PPP1R9A: variants seen among roughly 807,000 people sequenced by gnomAD.
PPP1R9A encodes the protein neurabin-1.
A neutral mutation model predicts 141.9 loss-of-function variants in PPP1R9A; 59 were observed. The observed-to-expected ratio is 0.42, with a 90% CI of 0.34 to 0.52. PPP1R9A has a LOEUF of 0.52. Ranked by LOEUF, PPP1R9A falls within the 20% of genes least tolerant of loss-of-function variation. The pLI, the probability that PPP1R9A is intolerant of heterozygous loss-of-function variation, is 0.10. For missense variants in PPP1R9A, 1,444 were observed against 1,611.9 expected, an observed-to-expected ratio of 0.90 and a Z score of 1.78; for synonymous variants, 500 against 569.7, an observed-to-expected ratio of 0.88 and a Z score of 1.74.
chr7:95,180,212 A>T (rs1833532379), intron 5 of PPP1R9A, among the ~76,000 whole-genome samples: 1 of 152,318 alleles, frequency 6.6e-6, no homozygotes, highest in Non-Finnish European at 1.5e-5. Flanking sequence ...GAACCCAGGA[A>T]TAAACCCAAA....
chr7:95,258,418 C>G (rs1799935840), intron 12 of PPP1R9A, among the ~76,000 whole-genome samples: 1 of 151,958 alleles, frequency 6.6e-6, no homozygotes, highest in Non-Finnish European at 1.5e-5. Context: ...TGGATATTAG[C>G]CCTTTGTCAG....
intron 2 of PPP1R9A, among the ~76,000 whole-genome samples, chr7:95,075,374 C>T (rs1394198357): frequency 6.6e-6 from 1 of 151,964 alleles, no homozygotes; most frequent in Non-Finnish European, 1.5e-5. Flanking sequence ...CATCTTCTGC[C>T]CTCTTAAGTT....
At chr7:94,934,764 T>C (rs1352651307) in intron 2 of PPP1R9A, among the ~76,000 whole-genome samples, 2 of 146,952 alleles carry the variant, frequency 1.4e-5, no homozygotes, top group Non-Finnish European at 3.0e-5. Flanking sequence ...TATATATGTG[T>C]ATATATTTGA....
chr7:95,130,894 TTA>T (rs1355941580), intron 4 of PPP1R9A, among the ~76,000 whole-genome samples: 7 of 152,196 alleles, frequency 4.6e-5, no homozygotes, highest in Non-Finnish European at 1.0e-4. Context: ...TGTACCCCCA[TTA>T]TATCAACTAT....
chr7:95,161,600 G>C (rs1830472529), intron 4 of PPP1R9A, among the ~76,000 whole-genome samples: 1 of 152,116 alleles, frequency 6.6e-6, no homozygotes, highest in Non-Finnish European at 1.5e-5. Flanking sequence ...TGCAAATGCT[G>C]TGTAGTTAAG....
At chr7:95,147,338 T>C (rs1827821029) in intron 4 of PPP1R9A, among the ~76,000 whole-genome samples, 1 of 152,214 alleles carries the variant, frequency 6.6e-6, no homozygotes, top group African/African-American at 2.4e-5. Context: ...TTTTTGCACA[T>C]TGATTTTGTA....
chr7:95,041,041 T>C (rs114797915), intron 2 of PPP1R9A, among the ~76,000 whole-genome samples: 165 of 152,260 alleles, frequency 1.1e-3, no homozygotes, highest in African/African-American at 3.9e-3. Context: ...TTGACAGAAA[T>C]ATCCACTTTG....
intron 2 of PPP1R9A, among the ~76,000 whole-genome samples, chr7:94,935,967 TTAAA>T (rs2150892541): frequency 6.6e-6 from 1 of 152,310 alleles, no homozygotes; most frequent in Admixed American, 6.5e-5. Context: ...ATTGTTTTGT[TTAAA>T]TAATTGATAG....
intron 7 of PPP1R9A, among the ~76,000 whole-genome samples, chr7:95,209,722 T>G (rs1791670313): frequency 6.6e-6 from 1 of 152,222 alleles, no homozygotes; most frequent in Non-Finnish European, 1.5e-5. Context: ...TAACTGTAAT[T>G]TCTGGTTCTA....
chr7:95,010,494 C>A (rs1804262223), intron 2 of PPP1R9A, among the ~76,000 whole-genome samples: 1 of 151,976 alleles, frequency 6.6e-6, no homozygotes, highest in South Asian at 2.1e-4. Flanking sequence ...TGATAATTAT[C>A]TCTGCTTTTA....
At chr7:95,074,633 C>T (rs1814564544) in intron 2 of PPP1R9A, among the ~76,000 whole-genome samples, 1 of 151,914 alleles carries the variant, frequency 6.6e-6, no homozygotes, top group Admixed American at 6.6e-5. Flanking sequence ...CGCCACCACG[C>T]CCAGCTAATT....
At chr7:94,947,896 T>C (rs1796062402) in intron 2 of PPP1R9A, among the ~76,000 whole-genome samples, 1 of 152,102 alleles carries the variant, frequency 6.6e-6, no homozygotes, top group African/African-American at 2.4e-5. Context: ...CCTGATAGGA[T>C]TGACACTTAT....
At chr7:95,144,928 A>G (rs1305800945) in intron 4 of PPP1R9A, among the ~76,000 whole-genome samples, 6 of 152,182 alleles carry the variant, frequency 3.9e-5, no homozygotes, top group Non-Finnish European at 4.4e-5. Flanking sequence ...AATCAGCTGT[A>G]TTTTACACAC....
At chr7:95,086,567 T>C (rs1415114944) in intron 2 of PPP1R9A, among the ~76,000 whole-genome samples, 1 of 152,054 alleles carries the variant, frequency 6.6e-6, no homozygotes, top group Non-Finnish European at 1.5e-5. Flanking sequence ...GATTACTAAC[T>C]AAGGGGACTT....
chr7:95,102,821 C>T (rs748551200), intron 2 of PPP1R9A, among the ~76,000 whole-genome samples: 1 of 152,158 alleles, frequency 6.6e-6, no homozygotes, highest in Non-Finnish European at 1.5e-5. Flanking sequence ...TTCAGTTTTG[C>T]AGCCAGAGAA....
chr7:95,132,245 G>A (rs1428390266), intron 4 of PPP1R9A, among the ~76,000 whole-genome samples: 3 of 152,132 alleles, frequency 2.0e-5, no homozygotes, highest in African/African-American at 4.8e-5. Flanking sequence ...ATGAGAGTGG[G>A]CACCCTTATC....
intron 2 of PPP1R9A, among the ~76,000 whole-genome samples, chr7:94,955,002 C>T (rs1032819494): frequency 6.6e-6 from 1 of 151,630 alleles, no homozygotes. Context: ...CAAAATTGCT[C>T]GTATTTAGAT....
At chr7:94,936,220 T>G (rs2150894881) in intron 2 of PPP1R9A, among the ~76,000 whole-genome samples, 1 of 152,296 alleles carries the variant, frequency 6.6e-6, no homozygotes, top group Admixed American at 6.5e-5. Context: ...ATGGGTGATC[T>G]TTTTCCTCTG....
At chr7:95,123,556 G>A (rs1361804176) in intron 4 of PPP1R9A, among the ~76,000 whole-genome samples, 2 of 152,174 alleles carry the variant, frequency 1.3e-5, no homozygotes, top group African/African-American at 4.8e-5. Flanking sequence ...GACTGAGGCG[G>A]GAGAATCGCT....
Sources: allele counts gnomAD v4.1 joint callset (sites outside exome capture counted in the v4.1 genomes callset), GRCh38; gene constraint gnomAD v4.1.1; transcripts MANE v1.5; gene names NCBI Gene and HGNC (gene_info 2026-07-23, HGNC 2026-07-21).